Variants in PPP2R1B observed in about 807,000 individuals in gnomAD.
PPP2R1B encodes the protein protein phosphatase 2 scaffold subunit Abeta, also known as serine/threonine-protein phosphatase 2A 65 kDa regulatory subunit A beta isoform.
A neutral mutation model predicts 72.7 loss-of-function variants in PPP2R1B; 58 were observed. The ratio of observed to expected loss-of-function variants is 0.80; its 90% confidence interval spans 0.65 to 0.99. The LOEUF (loss-of-function observed/expected upper bound fraction) is 0.99, where lower values mean the gene tolerates loss of function less well. Ranked by LOEUF, PPP2R1B falls within the 50% of genes least tolerant of loss-of-function variation. The pLI is 0.00. For synonymous variants in PPP2R1B, 256 were observed against 264.6 expected (o/e 0.97, Z 0.32); for missense variants, 695 against 733.6 (o/e 0.95, Z 0.61).
At chr11:111,723,383 C>G, downstream of PPP2R1B, 2 of 1,188,562 alleles carry the variant, frequency 1.7e-6, no homozygotes, top group South Asian at 3.1e-5. Context: ...TTTTTGCTGA[C>G]ATGAGAGAGA....
the PPP2R1B span, among the ~76,000 whole-genome samples, chr11:111,714,017 G>C: frequency 6.6e-6 from 1 of 152,140 alleles, no homozygotes; most frequent in East Asian, 1.9e-4. Context: ...GTATAAATCA[G>C]AACGAGGCAG....
At chr11:111,743,315 T>C (rs2136047999) in intron 12 of PPP2R1B, 61 bp downstream of exon 12, 4 of 1,457,982 alleles carry the variant, frequency 2.7e-6, no homozygotes, top group Middle Eastern at 1.9e-4. Flanking sequence ...AATTCAGAAA[T>C]AGTCATGAAT....
the PPP2R1B span, among the ~76,000 whole-genome samples, chr11:111,717,826 G>C: frequency 2.6e-5 from 4 of 152,148 alleles, no homozygotes; most frequent in African/African-American, 7.2e-5. Context: ...ATTATCCTCA[G>C]CTGAACAGAA....
intron 15 of PPP2R1B, chr11:111,729,226 C>T (rs1180181899): frequency 6.6e-6 from 1 of 152,266 alleles, no homozygotes; most frequent in Non-Finnish European, 1.5e-5. Flanking sequence ...ACATCTTCTC[C>T]AGGCAGGTTT....
At chr11:111,753,288 C>G (rs903598440) in intron 9 of PPP2R1B, among the ~76,000 whole-genome samples, 155 bp downstream of exon 9, 1 of 152,092 alleles carries the variant, frequency 6.6e-6, no homozygotes, top group East Asian at 1.9e-4. Flanking sequence ...AACCTATAAC[C>G]CCATACCCAA....
chr11:111,719,772 T>C, the PPP2R1B span: 1 of 1,612,290 alleles, frequency 6.2e-7, no homozygotes. Flanking sequence ...CCCTGGCGTT[T>C]AGGTCAATGG....
chr11:111,724,468 A>C, downstream of PPP2R1B: 1 of 288,666 alleles, frequency 3.5e-6, no homozygotes, highest in Non-Finnish European at 6.6e-6. Context: ...TCCGTTTATT[A>C]TCAAGGGCAA....
At chr11:111,753,911 G>A (rs1239896940) in intron 8 of PPP2R1B, among the ~76,000 whole-genome samples, 1 of 151,522 alleles carries the variant, frequency 6.6e-6, no homozygotes, top group African/African-American at 2.4e-5. Flanking sequence ...GAGCCACCAC[G>A]CCTGGCCTAA....
intron 15 of PPP2R1B, chr11:111,729,044 C>CA (rs1241621285): frequency 1.3e-5 from 2 of 152,248 alleles, no homozygotes; most frequent in East Asian, 3.8e-4. Context: ...GTCTGAAGCA[C>CA]CTGTAATGTC....
chr11:111,741,911 G>C, intron 14 of PPP2R1B, 142 bp downstream of exon 14: 1 of 845,396 alleles, frequency 1.2e-6, no homozygotes, highest in Non-Finnish European at 2.0e-6. Context: ...TAATCAGAGA[G>C]ACACCAGCAT....
At chr11:111,720,022 A>C in the PPP2R1B span, 1 of 1,602,524 alleles carries the variant, frequency 6.2e-7, no homozygotes, top group Non-Finnish European at 8.5e-7. Flanking sequence ...GAGGAGCGAC[A>C]CTAGCTTGAG....
chr11:111,759,889 A>C lies in PPP2R1B; in HGVS notation c.602T>G (p.Leu201Trp), dbSNP rs782094264. ...PMVRRAAASKLGEFAKVLELD... is the reference protein window; with the variant it reads ...PMVRRAAASKWGEFAKVLELD... ...TTCCAAAACTTTTGCAAATTCACCC[A>C]ATTTGGAAGCAGCAGCACGTCGTAC... Residue 201 changes from leucine to tryptophan, a missense_variant, in exon 5 of 15, where the codon TTG (leucine) becomes TGG (tryptophan). By Grantham distance (61) the Leu-to-Trp change is moderately conservative (BLOSUM62 -2). Coordinates refer to ENST00000527614, the MANE Select transcript of PPP2R1B (RefSeq NM_002716.5). The C allele has an allele frequency of 6.2e-7, 1 of 1,614,114 alleles. No individual in the cohort carries two copies. Among genetic ancestry groups the C allele is most frequent in the Non-Finnish European group, 8.5e-7 (1 of 1,179,996 alleles).
chr11:111,721,959 G>A (rs779494406), downstream of PPP2R1B: 44 of 1,538,268 alleles, frequency 2.9e-5, no homozygotes, highest in East Asian at 2.3e-4. Context: ...TTCTCCTTGC[G>A]AGTCCACCTC....
chr11:111,726,798 G>A (rs186767216), downstream of PPP2R1B: 263 of 625,636 alleles, frequency 4.2e-4, no homozygotes, highest in Non-Finnish European at 4.8e-4. Flanking sequence ...TCTGATTCAC[G>A]TTAGCAGTGT....
rs1273162416 is a variant in PPP2R1B, at chr11:111,739,806, A to G, written c.*1790T>C. On this transcript the variant is annotated 3_prime_UTR_variant, in exon 15 of 15. Transcript: ENST00000527614. ...ATTAAAATGTTTACAGAATAATAGC[A>G]TAAGATATTAAAATGAGAATATAGA... 4 of 967,534 alleles carry G rather than the reference A, an allele frequency of 4.1e-6. No individual in the cohort carries two copies. Among genetic ancestry groups the G allele is most frequent in the East Asian group, 2.3e-4 (2 of 8,734 alleles). The allele number at this position is 967,534 out of a possible 1,614,324, so 59.9% of individuals were successfully genotyped here.
chr11:111,754,060 G>C (rs1555048794), intron 8 of PPP2R1B, among the ~76,000 whole-genome samples: 1 of 151,910 alleles, frequency 6.6e-6, no homozygotes, highest in Admixed American at 6.6e-5. Context: ...GGTACTACAG[G>C]TGCATGCCAC....
Position 111,752,163 on chromosome 11 carries a change from T to C in PPP2R1B, c.1334A>G (p.Gln445Arg), listed in dbSNP as rs1944931399. ...CATGGAGCAACACATACTCACCAGC[T>C]GGCCTGCCAGCAGCGGCATATACTC... is the stretch of plus-strand genomic sequence containing the variant. ...IIEYMPLLAGQLGVEFFDEKL... is the reference protein window; with the variant it reads ...IIEYMPLLAGRLGVEFFDEKL... Residue 445 changes from glutamine to arginine, a missense_variant, in exon 10 of 15, where the codon CAG (glutamine) becomes CGG (arginine). Transcript: ENST00000527614. 3.1e-6 allele frequency: 5 copies of C among 1,606,832 alleles called. No homozygotes were observed. Among genetic ancestry groups the C allele is most frequent in the Non-Finnish European group, 3.4e-6 (4 of 1,177,088 alleles).
At chr11:111,700,939 G>A in the PPP2R1B span, 1 of 1,614,064 alleles carries the variant, frequency 6.2e-7, no homozygotes, top group Non-Finnish European at 8.5e-7. Flanking sequence ...AACATGGTGT[G>A]GCAGCCCCCC....
chr11:111,744,528 T>C (rs957158832), intron 11 of PPP2R1B, among the ~76,000 whole-genome samples: 3 of 152,240 alleles, frequency 2.0e-5, no homozygotes, highest in Non-Finnish European at 4.4e-5. Flanking sequence ...TTAGTTGCTA[T>C]ATACAGCACT....
Sources: gnomAD v4.1 joint callset for allele counts (sites outside exome capture counted in the v4.1 genomes callset) on GRCh38, gnomAD v4.1.1 for gene constraint, MANE v1.5 for transcripts, NCBI Gene and HGNC (gene_info 2026-07-23, HGNC 2026-07-21) for gene names.